PLD4: variants seen among roughly 807,000 people sequenced by gnomAD.
PLD4 encodes 5'-3' exonuclease PLD4.
In PLD4, 54 loss-of-function variants were observed where a neutral mutation model predicts 52.3. The observed-to-expected ratio is 1.03, with a 90% CI of 0.83 to 1.30. PLD4 has a LOEUF of 1.30. Among genes scored for constraint, PLD4 ranks in the 50% most tolerant of loss-of-function variants. PLD4 has a pLI of 0.00. For missense variants in PLD4, 731 were observed against 671.1 expected (o/e 1.09, Z -0.99); for synonymous variants, 264 against 286.5 (o/e 0.92, Z 0.79).
intron 3 of PLD4, 42 bp downstream of exon 3, chr14:104,927,908 T>C (rs1304018148): frequency 1.3e-6 from 2 of 1,485,896 alleles, no homozygotes; most frequent in Non-Finnish European, 1.8e-6. Context: ...GGTCTCAGTT[T>C]GGGGCTGCTG....
In PLD4 at chr14:104,932,601, TC is replaced by T. The variant is rs1897693637; in HGVS notation, c.1322-161del. Reference sequence around the variant, plus strand: ...GGTGGAGTTCTACCGCGACCAGCTGTCCCTCCCGCACCTAAGCGAGGGGCTT... The same window carrying T: ...GGTGGAGTTCTACCGCGACCAGCTGTCCTCCCGCACCTAAGCGAGGGGCTT... On this transcript the variant is annotated intron_variant, in intron 10 of 10. Coordinates refer to ENST00000392593, the MANE Select transcript of PLD4 (RefSeq NM_138790.5). This position sits in a 1 kb window ranked among gnomAD's most constrained non-coding sequence, Gnocchi z 6.5. 6.6e-6 allele frequency among the ~76,000 whole-genome samples: 1 copy of T among 152,148 alleles called. No individual in the cohort carries two copies. Among genetic ancestry groups the T allele is most frequent in the Non-Finnish European group, 1.5e-5 (1 of 68,014 alleles).
chr14:104,932,780 C>G lies in PLD4; in HGVS notation c.1337C>G (p.Ser446Trp). 1.3e-6 allele frequency: 2 copies of G among 1,585,460 alleles called. No individual in the cohort carries two copies. The highest frequency in any genetic ancestry group is 1.1e-5 in the South Asian group (1 of 87,536). The change falls in exon 11 of 11, where the codon TCG (serine) becomes TGG (tryptophan). Residue 446 changes from serine (S) to tryptophan (W), a missense_variant. Transcript: ENST00000392593. This position sits in a 1 kb window ranked among gnomAD's most constrained non-coding sequence, Gnocchi z 6.5. The stretch of plus-strand genomic sequence containing the variant: ...CTCCCCGCAGGCACCTCCAACTGGT[C>G]GGAGGATTACTTCAGCAGCACGGCG... ...KAAYIGTSNW[S>W]EDYFSSTAGV...
Position 104,932,910 on chromosome 14 carries a change from C to G in PLD4, c.1467C>G (p.Tyr489Ter). 1 of 1,602,032 alleles carries G rather than the reference C, an allele frequency of 6.2e-7. No individual in the cohort carries two copies. Among genetic ancestry groups the G allele is most frequent in the Non-Finnish European group, 8.5e-7 (1 of 1,175,388 alleles). The change falls in exon 11 of 11, where the codon TAC (tyrosine) becomes TAG (stop). Residue 489 changes from tyrosine (Y) to a stop codon, truncating the protein, a stop_gained. Coordinates refer to ENST00000392593, the MANE Select transcript of PLD4 (RefSeq NM_138790.5). LOFTEE classifies it high-confidence loss of function. This position sits in a 1 kb window ranked among gnomAD's most constrained non-coding sequence, Gnocchi z 6.5. ...TTGAGCGGGACTGGAGTTCGCGCTA[C>G]GCCGTCGGCCTGGACGGACAGGCTC... is the stretch of plus-strand genomic sequence containing the variant. ...QLFERDWSSR[Y>*]AVGLDGQAPG...
intron 5 of PLD4, 60 bp from the exon 6 acceptor site, chr14:104,929,918 C>A: frequency 6.3e-7 from 1 of 1,591,116 alleles, no homozygotes. Flanking sequence ...GGGTCAGGCT[C>A]ACCATGAAGC....
Position 104,932,353 on chromosome 14 carries a change from T to C in PLD4, c.1319T>C (p.Ile440Thr), listed in dbSNP as rs1338926111. The C allele has an allele frequency of 1.2e-6, 2 of 1,612,218 alleles. No individual in the cohort carries two copies. Among genetic ancestry groups the C allele is most frequent in the Middle Eastern group, 1.7e-4 (1 of 6,046 alleles). ...ATGGTCACGGAGAAGGCAGCCTACA[T>C]AGGTGAGCGCGATCAGATCACGGCG... ...KFMVTEKAAY[I>T]GTSNWSEDYF... is the part of the protein sequence containing the mutation. The change falls in exon 10 of 11, where the codon ATA (isoleucine) becomes ACA (threonine). Residue 440 changes from isoleucine to threonine, a missense_variant and splice_region_variant. Physicochemically the swap from Ile to Thr is moderately conservative, Grantham distance 89. Transcript: ENST00000392593. This position sits in a 1 kb window ranked among gnomAD's most constrained non-coding sequence, Gnocchi z 6.5.
In PLD4 at chr14:104,932,994, G is replaced by T. The variant is rs757344330; in HGVS notation, c.*30G>T. ...GGCCTCTTTTTCTCTCGGCGACCCCGCCCCGCACGCGCCCTCCCCTCTGAC... is the reference window on the plus strand; with the variant it reads ...GGCCTCTTTTTCTCTCGGCGACCCCTCCCCGCACGCGCCCTCCCCTCTGAC... On this transcript the variant is annotated 3_prime_UTR_variant, in exon 11 of 11. Transcript: ENST00000392593. The surrounding 1 kb of genome is among the most constrained non-coding windows in gnomAD (Gnocchi z 6.5). 2 of 1,522,306 alleles carry T rather than the reference G, an allele frequency of 1.3e-6. No individual in the cohort carries two copies. Among genetic ancestry groups the T allele is most frequent in the South Asian group, 1.2e-5 (1 of 82,218 alleles). 94.3% of individuals were successfully genotyped at this position (1,522,306 alleles called of 1,614,324 possible).
intron 6 of PLD4, chr14:104,930,484 G>T: frequency 1.7e-6 from 1 of 584,316 alleles, no homozygotes; most frequent in African/African-American, 1.9e-5. Flanking sequence ...TTAATGGCTT[G>T]ATGCATTTTC....
intron 4 of PLD4, 71 bp from the exon 5 acceptor site, chr14:104,929,236 A>T (rs1458023922): frequency 6.4e-7 from 1 of 1,556,008 alleles, no homozygotes; most frequent in Non-Finnish European, 8.7e-7. Flanking sequence ...TGAGGAGGAC[A>T]TGGGTCCTAG....
In PLD4 at chr14:104,931,062, C is replaced by T. The variant is rs142738795; in HGVS notation, c.918+120C>T. 2.8e-4 allele frequency: 315 copies of T among 1,133,652 alleles called. 3 individuals are homozygous for T. In the East Asian group the frequency reaches 7.7e-3, roughly 28 times the overall value. 70.2% of individuals were successfully genotyped at this position (1,133,652 alleles called of 1,614,324 possible). ...CAGCAGCATCAGCTGGGTCCTCAGG[C>T]AGCCAGCACCATGGGTGGGGCTGTG... On this transcript the variant is annotated intron_variant, in intron 7 of 10. Transcript: ENST00000392593.
intron 2 of PLD4, among the ~76,000 whole-genome samples, chr14:104,927,435 C>T (rs143397232): frequency 0.027 from 4,085 of 152,278 alleles, 60 homozygotes; most frequent in Middle Eastern, 0.082. Context: ...CCAGTTACCA[C>T]GAGCCACAGC....
rs1484647936 is a variant in PLD4, at chr14:104,933,009, T to A, written c.*45T>A. The A allele has an allele frequency of 1.3e-6, 2 of 1,502,986 alleles. No homozygotes were observed. The highest frequency in any genetic ancestry group is 2.8e-5 in the African/African-American group (2 of 70,980). 93.1% of individuals were successfully genotyped at this position (1,502,986 alleles called of 1,614,324 possible). A position where few individuals can be genotyped will look rare whatever the true frequency, so the allele number is the denominator to read the frequency against. On this transcript the variant is annotated 3_prime_UTR_variant, in exon 11 of 11. Coordinates refer to ENST00000392593, the MANE Select transcript of PLD4 (RefSeq NM_138790.5). ...CGGCGACCCCGCCCCGCACGCGCCC[T>A]CCCCTCTGACCCCGGCCTGGGCTTC...
In PLD4 at chr14:104,928,746, C is replaced by A. The variant is rs1897537534; in HGVS notation, c.285-3C>A. On this transcript the variant is annotated splice_region_variant and splice_polypyrimidine_tract_variant and intron_variant, in intron 3 of 10. Transcript: ENST00000392593. ...ACTGAGCCCAGTGTGGCTCTCCCCA[C>A]AGGCTTGTCCTTGTGGAAAGCATCC... 6.4e-7 allele frequency: 1 copy of A among 1,571,816 alleles called. No individual in the cohort carries two copies. The highest frequency in any genetic ancestry group is 1.4e-5 in the African/African-American group (1 of 74,068).
Position 104,932,615 on chromosome 14 carries a change from A to C in PLD4, c.1322-150A>C. 1 of 889,314 alleles carries C rather than the reference A, an allele frequency of 1.1e-6. No homozygotes were observed. Among genetic ancestry groups the C allele is most frequent in the Non-Finnish European group, 1.7e-6 (1 of 591,338 alleles). 55.1% of individuals were successfully genotyped at this position (889,314 alleles called of 1,614,324 possible). On this transcript the variant is annotated intron_variant, in intron 10 of 10. Coordinates refer to ENST00000392593, the MANE Select transcript of PLD4 (RefSeq NM_138790.5). The surrounding 1 kb of genome is among the most constrained non-coding windows in gnomAD (Gnocchi z 6.5). ...GCGACCAGCTGTCCCTCCCGCACCT[A>C]AGCGAGGGGCTTCCCCGGCTGGAGT... is the stretch of plus-strand genomic sequence containing the variant.
downstream of PLD4, chr14:104,935,470 A>G (rs1287824237): frequency 2.0e-5 from 3 of 152,208 alleles, no homozygotes; most frequent in Non-Finnish European, 1.5e-5. Flanking sequence ...GGGTGCCACA[A>G]TGTGGCCCCT....
chr14:104,934,531 G>A (rs1897768919), downstream of PLD4: 1 of 152,180 alleles, frequency 6.6e-6, no homozygotes, highest in South Asian at 2.1e-4. Flanking sequence ...CCTGGTGGAG[G>A]TCCATGGGGC....
intron 4 of PLD4, 80 bp from the exon 5 acceptor site, chr14:104,929,227 G>C (rs1897558307): frequency 6.5e-7 from 1 of 1,543,098 alleles, no homozygotes. Context: ...TGGGCCTCCT[G>C]AGGAGGACAT....
At chr14:104,927,272 T>C (rs1007826666) in intron 2 of PLD4, 42 bp downstream of exon 2, 1 of 1,472,582 alleles carries the variant, frequency 6.8e-7, no homozygotes, top group African/African-American at 1.4e-5. Context: ...CTGGGATCAA[T>C]GGCCTTTCAA....
In PLD4 at chr14:104,929,297, G is replaced by C; in HGVS notation, c.469-10G>C. 2 of 1,583,466 alleles carry C rather than the reference G, an allele frequency of 1.3e-6. No individual in the cohort carries two copies. The highest frequency in any genetic ancestry group is 2.3e-5 in the South Asian group (2 of 86,584). ...TGAGGTCAGCTCTCATGGCTGGCCT[G>C]GCCTTGCAGGGAGAGGCTCTTCTGC... On this transcript the variant is annotated splice_polypyrimidine_tract_variant and intron_variant, in intron 4 of 10. Coordinates refer to ENST00000392593, the MANE Select transcript of PLD4 (RefSeq NM_138790.5).
intron 7 of PLD4, 21 bp from the exon 8 acceptor site, chr14:104,931,727 G>T: frequency 6.3e-7 from 1 of 1,574,898 alleles, no homozygotes. Context: ...AGAGCCTTCA[G>T]GGATTTCTCT....
Sources: gnomAD v4.1 joint callset for allele counts (sites outside exome capture counted in the v4.1 genomes callset) on GRCh38, gnomAD v4.1.1 for gene constraint, Gnocchi (gnomAD v3.1) non-coding constraint, MANE v1.5 for transcripts, NCBI Gene and HGNC (gene_info 2026-07-23, HGNC 2026-07-21) for gene names.